PTPRD: variants seen among roughly 807,000 people sequenced by gnomAD.
PTPRD encodes the protein receptor-type tyrosine-protein phosphatase delta.
A neutral mutation model predicts 214.5 loss-of-function variants in PTPRD; 34 were observed. That is an observed-to-expected ratio of 0.16 (90% confidence interval 0.12 to 0.21). PTPRD has a LOEUF of 0.21. Ranked by LOEUF, PTPRD falls within the 10% of genes least tolerant of loss-of-function variation. The pLI, the probability that PTPRD is intolerant of heterozygous loss-of-function variation, is 1.00. For synonymous variants in PTPRD, 1,128 were observed against 845.7 expected, an observed-to-expected ratio of 1.33 and a Z score of -5.79; for missense variants, 2,545 against 2,398.7, an observed-to-expected ratio of 1.06 and a Z score of -1.27.
chr9:8,761,941 G>A (rs2094440460), intron 11 of PTPRD, among the ~76,000 whole-genome samples: 1 of 152,064 alleles, frequency 6.6e-6, no homozygotes, highest in Non-Finnish European at 1.5e-5. Context: ...GGTCCCTAAG[G>A]CACCATTATT....
intron 4 of PTPRD, among the ~76,000 whole-genome samples, chr9:10,003,286 T>G (rs1263753555): frequency 6.6e-6 from 1 of 151,776 alleles, no homozygotes; most frequent in African/African-American, 2.4e-5. Flanking sequence ...AGATAAAGGT[T>G]AGAAAGGAAG....
chr9:9,642,601 A>G (rs916888863), intron 7 of PTPRD, among the ~76,000 whole-genome samples: 2 of 151,996 alleles, frequency 1.3e-5, no homozygotes, highest in African/African-American at 4.8e-5. Context: ...ATTCATCTTG[A>G]TTTTGTTATT....
At chr9:9,831,441 C>T (rs140253111) in intron 5 of PTPRD, among the ~76,000 whole-genome samples, 14 of 151,886 alleles carry the variant, frequency 9.2e-5, no homozygotes, top group Admixed American at 2.6e-4. Context: ...AGAGTTATAC[C>T]CTGAAATTGA....
intron 11 of PTPRD, among the ~76,000 whole-genome samples, chr9:8,936,981 G>A (rs1178949697): frequency 2.6e-5 from 4 of 151,978 alleles, no homozygotes. Flanking sequence ...TGGTTTATTT[G>A]TTTTTGGTAA....
At chr9:8,749,029 C>T (rs997967287) in intron 11 of PTPRD, among the ~76,000 whole-genome samples, 7 of 152,042 alleles carry the variant, frequency 4.6e-5, no homozygotes, top group Non-Finnish European at 8.8e-5. Flanking sequence ...ATATTATATA[C>T]ATTTACTATG....
chr9:9,658,776 A>T (rs1307022809), intron 7 of PTPRD, among the ~76,000 whole-genome samples: 1 of 152,082 alleles, frequency 6.6e-6, no homozygotes, highest in African/African-American at 2.4e-5. Context: ...TTGAGATCTT[A>T]TTCCGTGTTA....
At chr9:9,516,073 G>A (rs1233026512) in intron 8 of PTPRD, among the ~76,000 whole-genome samples, 2 of 152,024 alleles carry the variant, frequency 1.3e-5, no homozygotes, top group Admixed American at 6.6e-5. Flanking sequence ...TAACCTTCAA[G>A]TTCTTGGGAT....
chr9:8,924,235 C>CG (rs1567027922), intron 11 of PTPRD, among the ~76,000 whole-genome samples: 5 of 86,106 alleles, frequency 5.8e-5, no homozygotes, highest in Non-Finnish European at 1.2e-4. Flanking sequence ...AAGTATCAAC[C>CG]CAAAATTTTT....
intron 7 of PTPRD, among the ~76,000 whole-genome samples, chr9:9,628,216 C>T (rs2095482027): frequency 1.3e-5 from 2 of 152,148 alleles, no homozygotes; most frequent in Non-Finnish European, 2.9e-5. Flanking sequence ...TTTGGTCTCT[C>T]CAGTCACTTC....
At chr9:8,481,441 T>C in intron 30 of PTPRD, among the ~76,000 whole-genome samples, 1 of 152,236 alleles carries the variant, frequency 6.6e-6, no homozygotes, top group East Asian at 1.9e-4. Context: ...ACACAAATTA[T>C]ACTATTTTAA....
In PTPRD at chr9:8,335,978, A is replaced by G. The variant is rs549690117; in HGVS notation, c.5379+2944T>C. On this transcript the variant is annotated intron_variant, in intron 43 of 45. Transcript: ENST00000381196. ...AAATAAGAGAGGACACAAATGGAAG[A>G]ACATTCCATGCTCACGGATAGGAAG... Among the ~76,000 whole-genome samples the G allele has an allele frequency of 9.2e-5, 14 of 152,302 alleles. 1 individual carries two copies. The South Asian group carries it at 2.9e-3, about 32-fold the overall frequency.
intron 37 of PTPRD, among the ~76,000 whole-genome samples, chr9:8,388,835 T>C (rs767816827): frequency 6.6e-6 from 1 of 152,198 alleles, no homozygotes; most frequent in Non-Finnish European, 1.5e-5. Flanking sequence ...CTGCAGATTT[T>C]AAGAAAGAAA....
intron 2 of PTPRD, among the ~76,000 whole-genome samples, chr9:10,496,406 C>A (rs1228504039): frequency 6.7e-6 from 1 of 148,188 alleles, no homozygotes; most frequent in Admixed American, 6.9e-5. Context: ...TTTATTAAAT[C>A]ATTTATTTAT....
chr9:9,090,521 C>G (rs937417681), intron 10 of PTPRD, among the ~76,000 whole-genome samples: 1 of 152,110 alleles, frequency 6.6e-6, no homozygotes, highest in African/African-American at 2.4e-5. Context: ...TATAATCATT[C>G]TAGTATTTCC....
chr9:10,522,140 T>C (rs1266954303), intron 2 of PTPRD, among the ~76,000 whole-genome samples: 1 of 152,140 alleles, frequency 6.6e-6, no homozygotes, highest in Non-Finnish European at 1.5e-5. Flanking sequence ...AAAGGTTTGG[T>C]CTTCCTGACT....
intron 2 of PTPRD, among the ~76,000 whole-genome samples, chr9:10,608,209 A>T (rs541651346): frequency 1.3e-4 from 20 of 152,026 alleles, no homozygotes; most frequent in African/African-American, 4.8e-4. Flanking sequence ...TCAGAGTGGG[A>T]AAAAGGAAGA....
At chr9:8,345,576 G>C (rs562999160) in intron 39 of PTPRD, among the ~76,000 whole-genome samples, 1 of 151,958 alleles carries the variant, frequency 6.6e-6, no homozygotes, top group African/African-American at 2.4e-5. Flanking sequence ...CTCCCTTGGG[G>C]TTAATGGTAG....
intron 14 of PTPRD, among the ~76,000 whole-genome samples, chr9:8,626,621 T>C (rs1347691663): frequency 6.6e-6 from 1 of 151,826 alleles, no homozygotes; most frequent in Non-Finnish European, 1.5e-5. Flanking sequence ...CTCCCTAATG[T>C]GGGCAACCCT....
Position 9,809,783 on chromosome 9 carries a change from A to G in PTPRD, c.-367-42932T>C, listed in dbSNP as rs372807568. The stretch of plus-strand genomic sequence containing the variant: ...GTCTGACCAAGACAGGTGACATTCC[A>G]TGATCAGGGACAGGAAATCAGAAGG... On this transcript the variant is annotated intron_variant, in intron 5 of 45. Transcript: ENST00000381196. 8.5e-5 allele frequency among the ~76,000 whole-genome samples: 13 copies of G among 152,336 alleles called. No homozygotes were observed. In the East Asian group the frequency reaches 1.2e-3, roughly 14 times the overall value.
Sources: allele counts gnomAD v4.1 joint callset (sites outside exome capture counted in the v4.1 genomes callset), GRCh38; gene constraint gnomAD v4.1.1; transcripts MANE v1.5; gene names NCBI Gene and HGNC (gene_info 2026-07-23, HGNC 2026-07-21).